ADAMTSL3: variants seen among roughly 807,000 people sequenced by gnomAD.
ADAMTSL3 encodes ADAMTS like 3, also known as ADAMTS-like protein 3.
In ADAMTSL3, 128 loss-of-function variants were observed where a neutral mutation model predicts 201.7. The ratio of observed to expected loss-of-function variants is 0.63; its 90% CI spans 0.55 to 0.73. The LOEUF (loss-of-function observed/expected upper bound fraction) is 0.73. Ranked by LOEUF, ADAMTSL3 falls within the 30% of genes least tolerant of loss-of-function variation. ADAMTSL3 has a pLI of 0.00. For missense variants in ADAMTSL3, 1,990 were observed against 2,119.6 expected (o/e 0.94, Z 1.20); for synonymous variants, 738 against 748.4 (o/e 0.99, Z 0.23).
chr15:83,821,726 T>C (rs2063870929), intron 6 of ADAMTSL3, among the ~76,000 whole-genome samples: 1 of 152,276 alleles, frequency 6.6e-6, no homozygotes, highest in African/African-American at 2.4e-5. Flanking sequence ...ACCGCCGTTG[T>C]CGTCATGGCC....
intron 4 of ADAMTSL3, among the ~76,000 whole-genome samples, chr15:83,803,592 T>C (rs1218687510): frequency 6.6e-5 from 10 of 152,172 alleles, no homozygotes; most frequent in Non-Finnish European, 1.0e-4. Context: ...AGAGATCAGA[T>C]ATTTTTAAGG....
chr15:84,011,210 A>G (rs1310768204), intron 23 of ADAMTSL3, among the ~76,000 whole-genome samples: 2 of 152,250 alleles, frequency 1.3e-5, no homozygotes, highest in Non-Finnish European at 2.9e-5. Flanking sequence ...ACAGCTTTAA[A>G]TGATTTACTT....
intron 19 of ADAMTSL3, among the ~76,000 whole-genome samples, chr15:83,955,093 T>G (rs1366850069): frequency 6.6e-6 from 1 of 152,210 alleles, no homozygotes; most frequent in African/African-American, 2.4e-5. Context: ...CTTATGTTCT[T>G]CCCTTCAGGG....
chr15:83,987,692 A>C (rs2067504728), intron 21 of ADAMTSL3, among the ~76,000 whole-genome samples: 1 of 152,216 alleles, frequency 6.6e-6, no homozygotes, highest in African/African-American at 2.4e-5. Flanking sequence ...ACAGTAATGA[A>C]AGATCATGGA....
rs190555888 is a variant in ADAMTSL3 at position 83,854,259 on chromosome 15, G to A, written c.728-4507G>A. On this transcript the variant is annotated intron_variant, in intron 7 of 29. Transcript: ENST00000286744. ...AGTGCACTTATTTTTTCATGGTATC[G>A]ACTTTGTAAAGAGTTCATTCCAGTT... Among the ~76,000 whole-genome samples, 32 of 150,870 alleles carry A rather than the reference G, an allele frequency of 2.1e-4. No individual in the cohort carries two copies. The East Asian group carries it at 6.0e-3, about 28-fold the overall frequency.
chr15:83,985,932 T>G (rs1274147980), intron 21 of ADAMTSL3, among the ~76,000 whole-genome samples: 1 of 152,070 alleles, frequency 6.6e-6, no homozygotes, highest in Non-Finnish European at 1.5e-5. Flanking sequence ...GCCTGGCCGT[T>G]AAGGACATTC....
At chr15:83,977,642 G>A (rs2067310424) in intron 20 of ADAMTSL3, among the ~76,000 whole-genome samples, 1 of 152,192 alleles carries the variant, frequency 6.6e-6, no homozygotes, top group Admixed American at 6.5e-5. Context: ...TTCATGAAGT[G>A]AGTGATTAAA....
intron 2 of ADAMTSL3, among the ~76,000 whole-genome samples, chr15:83,691,278 C>T (rs1397063628): frequency 2.0e-5 from 3 of 152,200 alleles, no homozygotes; most frequent in Non-Finnish European, 4.4e-5. Context: ...AAAATTACTG[C>T]ACCTTCATCC....
intron 8 of ADAMTSL3, among the ~76,000 whole-genome samples, chr15:83,867,762 A>C (rs1327018300): frequency 6.6e-6 from 1 of 152,188 alleles, no homozygotes; most frequent in South Asian, 2.1e-4. Flanking sequence ...TTTAGAATTT[A>C]GGGAGACCTC....
intron 3 of ADAMTSL3, among the ~76,000 whole-genome samples, chr15:83,722,793 G>A (rs972790937): frequency 6.6e-6 from 1 of 152,030 alleles, no homozygotes; most frequent in African/African-American, 2.4e-5. Flanking sequence ...TTCAGTAAGT[G>A]ATATTGGAAC....
At chr15:83,874,556 G>T (rs1388426734) in intron 9 of ADAMTSL3, among the ~76,000 whole-genome samples, 1 of 143,378 alleles carries the variant, frequency 7.0e-6, no homozygotes, top group South Asian at 2.2e-4. Context: ...TTCAGAAAAG[G>T]CCCAGTTTGT....
intron 29 of ADAMTSL3, 24 bp downstream of exon 29, chr15:84,037,011 C>A: frequency 6.2e-7 from 1 of 1,609,762 alleles, no homozygotes; most frequent in South Asian, 1.1e-5. Flanking sequence ...CCAGGTATCT[C>A]CACTGCCCCA....
At chr15:84,016,797 G>A (rs1374854054) in intron 25 of ADAMTSL3, among the ~76,000 whole-genome samples, 3 of 152,090 alleles carry the variant, frequency 2.0e-5, no homozygotes, top group African/African-American at 7.2e-5. Context: ...TGCCAATTTG[G>A]TAAATATTAA....
chr15:83,805,117 T>C (rs563287903), intron 5 of ADAMTSL3, among the ~76,000 whole-genome samples: 53 of 152,328 alleles, frequency 3.5e-4, no homozygotes, highest in African/African-American at 1.1e-3. Flanking sequence ...GTAGACTTAC[T>C]TGAACTGGTC....
Position 84,021,593 on chromosome 15 carries a change from G to C in ADAMTSL3, c.4457G>C (p.Arg1486Thr). ...TGTAACATCCGGGACTGCCCAGCGA[G>C]GTAAGTGAAGTCACTCTTTGTATCT... is the stretch of plus-strand genomic sequence containing the variant. ...EPCNIRDCPA[R>T]WFTSVWSQCS... Residue 1486 changes from arginine to threonine, a missense_variant and splice_region_variant, in exon 26 of 30, where the codon AGG (arginine) becomes ACG (threonine). Physicochemically the swap from Arg to Thr is moderately conservative, Grantham distance 71 (BLOSUM62 -1). Transcript: ENST00000286744. 6.2e-7 allele frequency: 1 copy of C among 1,613,036 alleles called. No homozygotes were observed. The highest frequency in any genetic ancestry group is 1.1e-5 in the South Asian group (1 of 90,974).
intron 2 of ADAMTSL3, among the ~76,000 whole-genome samples, chr15:83,663,586 G>A (rs188015749): frequency 5.8e-4 from 88 of 152,274 alleles, no homozygotes; most frequent in Middle Eastern, 3.4e-3. Context: ...GATACACATT[G>A]TGGCCTTCCT....
intron 23 of ADAMTSL3, among the ~76,000 whole-genome samples, chr15:84,010,551 C>T (rs1478345323): frequency 6.6e-6 from 1 of 152,092 alleles, no homozygotes; most frequent in Admixed American, 6.5e-5. Flanking sequence ...TCATGATCTG[C>T]TGTGGAGAAC....
At chr15:83,686,502 A>C (rs974524901) in intron 2 of ADAMTSL3, among the ~76,000 whole-genome samples, 1 of 152,206 alleles carries the variant, frequency 6.6e-6, no homozygotes, top group African/African-American at 2.4e-5. Flanking sequence ...TCAGGAATCA[A>C]ATGATTTAGT....
intron 3 of ADAMTSL3, among the ~76,000 whole-genome samples, chr15:83,740,676 G>C (rs1046558294): frequency 5.3e-5 from 8 of 152,148 alleles, no homozygotes; most frequent in Non-Finnish European, 7.4e-5. Context: ...TACCTCATCA[G>C]TATAGCAAAA....
Sources: allele counts gnomAD v4.1 joint callset (sites outside exome capture counted in the v4.1 genomes callset), GRCh38; gene constraint gnomAD v4.1.1; transcripts MANE v1.5; gene names NCBI Gene and HGNC (gene_info 2026-07-23, HGNC 2026-07-21).